EP300: variants seen among roughly 807,000 people sequenced by gnomAD.
The protein encoded by EP300 is histone acetyltransferase p300.
In EP300, 31 loss-of-function variants were observed where a neutral mutation model predicts 264.0. The ratio of observed to expected loss-of-function variants is 0.12; its 90% CI spans 0.09 to 0.16. EP300 has a LOEUF of 0.16. Among genes scored for constraint, EP300 ranks in the 10% least tolerant of loss-of-function variants. The probability of loss-of-function intolerance (pLI) is 1.00; values close to 1 mark genes in which losing one functional copy is unlikely to be tolerated. For synonymous variants in EP300, 1,340 were observed against 1,045.4 expected (o/e 1.28, Z -5.44); for missense variants, 2,766 against 3,052.9 (o/e 0.91, Z 2.21).
At chr22:41,176,119 C>CCATGGTGGGATAATT in intron 29 of EP300, 128 bp from the exon 30 acceptor site, 1 of 1,060,396 alleles carries the variant, frequency 9.4e-7, no homozygotes, top group Admixed American at 1.8e-5. Context: ...ATTCAGGAGG[C>CCATGGTGGGATAATT]CATGGTGGGA....
Position 41,129,927 on chromosome 22 carries a change from C to T in EP300, c.1206C>T (p.His402=), listed in dbSNP as rs751869865. Residue 402 remains histidine, a synonymous_variant, in exon 5 of 31, where the codon CAC becomes CAT. Transcript: ENST00000263253. Reference sequence around the variant, plus strand: ...CATCTTCTCGACAAATCATTTCACACTGGAAGAATTGTACAAGACATGATT... The same window carrying T: ...CATCTTCTCGACAAATCATTTCACATTGGAAGAATTGTACAAGACATGATT... ...HCASSRQIIS[H]WKNCTRHDCP... 2.9e-5 allele frequency: 47 copies of T among 1,613,888 alleles called. No homozygotes were observed. The East Asian group carries it at 1.0e-3, about 36-fold the overall frequency.
In EP300 at chr22:41,130,814, T is replaced by C. The variant is rs553915381; in HGVS notation, c.1283-574T>C. Reference sequence around the variant, plus strand: ...TATTGGGATATAGAAGAGCTTTTTTTTTTTAAGAGAAAAGACGAGATTAAC... The same window carrying C: ...TATTGGGATATAGAAGAGCTTTTTTCTTTTAAGAGAAAAGACGAGATTAAC... On this transcript the variant is annotated intron_variant, in intron 5 of 30. Coordinates refer to ENST00000263253, the MANE Select transcript of EP300 (RefSeq NM_001429.4). Among the ~76,000 whole-genome samples, 55 of 152,124 alleles carry C rather than the reference T, an allele frequency of 3.6e-4. 1 individual carries two copies. The highest frequency in any genetic ancestry group is 5.6e-4 in the Non-Finnish European group (38 of 68,030).
At chr22:41,138,303 A>G (rs1307762388) in intron 8 of EP300, among the ~76,000 whole-genome samples, 1 of 152,138 alleles carries the variant, frequency 6.6e-6, no homozygotes, top group Non-Finnish European at 1.5e-5. Context: ...AGCTGGGACT[A>G]CAGGCACGTG....
chr22:41,172,483 A>G lies in EP300; in HGVS notation c.4453-16A>G, dbSNP rs758560790. The G allele has an allele frequency of 2.1e-5, 33 of 1,597,888 alleles. No individual in the cohort carries two copies. In the South Asian group the frequency reaches 2.9e-4, roughly 14 times the overall value. On this transcript the variant is annotated splice_polypyrimidine_tract_variant and intron_variant, in intron 27 of 30. Transcript: ENST00000263253. ...AGAACATAGAAATTCCTATATGTAC[A>G]TGCATGTTTTCACAGGATATTTTTA...
chr22:41,092,795 C>T lies in EP300; in HGVS notation c.-210C>T, dbSNP rs1601582128. The T allele has an allele frequency of 1.6e-5, 10 of 642,224 alleles. No homozygotes were observed. Among genetic ancestry groups the T allele is most frequent in the South Asian group, 1.5e-4 (8 of 55,164 alleles). The allele number at this position is 642,224 out of a possible 1,614,324, so 39.8% of individuals were successfully genotyped here. A position where few individuals can be genotyped will look rare whatever the true frequency, so the allele number is the denominator to read the frequency against. The stretch of plus-strand genomic sequence containing the variant: ...TCCGGGCTTGGGCCCAGGCCCGGCC[C>T]CTCGCACTTGCCCTTACCTTTTCTA... On this transcript the variant is annotated 5_prime_UTR_variant, in exon 1 of 31. Coordinates refer to ENST00000263253, the MANE Select transcript of EP300 (RefSeq NM_001429.4).
At position 41,146,741 on chromosome 22, in the gene EP300, G is replaced by A. The variant is rs1466693116; in HGVS notation, c.2056G>A (p.Gly686Ser). The change falls in exon 11 of 31, where the codon GGC becomes AGC. Residue 686 changes from glycine to serine, a missense_variant and splice_region_variant. Physicochemically the swap from Gly to Ser is moderately conservative, Grantham distance 56. Transcript: ENST00000263253. Reference sequence around the variant, plus strand: ...CTTATTTCTCTTTTTTACTCTAGATGGCCCTCTACCTGACCCAAGTATGAT... The same window carrying A: ...CTTATTTCTCTTTTTTACTCTAGATAGCCCTCTACCTGACCCAAGTATGAT... ...GQPQPGMTSNGPLPDPSMIRG... is the reference protein window; with the variant it reads ...GQPQPGMTSNSPLPDPSMIRG... 6.2e-7 allele frequency: 1 copy of A among 1,614,000 alleles called. No individual in the cohort carries two copies. The highest frequency in any genetic ancestry group is 8.5e-7 in the Non-Finnish European group (1 of 1,179,886).
At chr22:41,161,673 A>G (rs1451272240) in intron 20 of EP300, among the ~76,000 whole-genome samples, 1 of 152,206 alleles carries the variant, frequency 6.6e-6, no homozygotes, top group Non-Finnish European at 1.5e-5. Context: ...AGTCATTAGA[A>G]TTCAAACTGG....
In EP300 at chr22:41,092,630, T is replaced by A. The variant is rs2058678582; in HGVS notation, c.-375T>A. On this transcript the variant is annotated 5_prime_UTR_variant, in exon 1 of 31. It removes an upstream start codon present in the reference 5' UTR. Coordinates refer to ENST00000263253, the MANE Select transcript of EP300 (RefSeq NM_001429.4). Reference sequence around the variant, plus strand: ...ACAGCGCCGAGGAGGAAGAGGTTGATGGCGGCGGCGGAGCTCCGAGAGACC... The same window carrying A: ...ACAGCGCCGAGGAGGAAGAGGTTGAAGGCGGCGGCGGAGCTCCGAGAGACC... The A allele has an allele frequency of 1.6e-6, 1 of 632,992 alleles. No homozygotes were observed. Among genetic ancestry groups the A allele is most frequent in the South Asian group, 2.1e-5 (1 of 48,730 alleles). The allele number at this position is 632,992 out of a possible 1,614,324, so 39.2% of individuals were successfully genotyped here.
chr22:41,137,700 C>T lies in EP300; in HGVS notation c.1670C>T (p.Pro557Leu), dbSNP rs1266602071. Residue 557 changes from proline to leucine, a missense_variant, in exon 8 of 31, where the codon CCA (proline) becomes CTA (leucine). Coordinates refer to ENST00000263253, the MANE Select transcript of EP300 (RefSeq NM_001429.4). ...NASVPSLGPM[P>L]TAAQPSTTGI... Reference sequence around the variant, plus strand: ...AGTGTGCCCTCCCTGGGTCCTATGCCAACAGCAGCTCAACCATCCACTACT... The same window carrying T: ...AGTGTGCCCTCCCTGGGTCCTATGCTAACAGCAGCTCAACCATCCACTACT... 3 of 1,614,172 alleles carry T rather than the reference C, an allele frequency of 1.9e-6. No homozygotes were observed. The highest frequency in any genetic ancestry group is 2.7e-5 in the African/African-American group (2 of 75,040).
intron 14 of EP300, among the ~76,000 whole-genome samples, chr22:41,151,175 G>A (rs762292623): frequency 3.9e-5 from 6 of 152,052 alleles, no homozygotes; most frequent in African/African-American, 7.2e-5. Context: ...AGTCACAGCC[G>A]TTTTATAAAG....
intron 2 of EP300, among the ~76,000 whole-genome samples, chr22:41,118,853 A>G (rs1255835219): frequency 1.3e-5 from 2 of 152,042 alleles, no homozygotes; most frequent in Non-Finnish European, 2.9e-5. Flanking sequence ...AATTGAAGAC[A>G]GATGGACAAA....
At position 41,179,489 on chromosome 22, in the gene EP300, T is replaced by G. The variant is rs2059227055; in HGVS notation, c.*533T>G. The G allele has an allele frequency of 5.8e-6, 1 of 172,524 alleles. No homozygotes were observed. Among genetic ancestry groups the G allele is most frequent in the Non-Finnish European group, 1.2e-5 (1 of 81,866 alleles). The allele number at this position is 172,524 out of a possible 1,614,324, so 10.7% of individuals were successfully genotyped here. A position where few individuals can be genotyped will look rare whatever the true frequency, so the allele number is the denominator to read the frequency against. The stretch of plus-strand genomic sequence containing the variant: ...ATAAATATATATTAAAATACCAGTT[T>G]TTTTTCTCTGGGTGCAAAGATGTTC... On this transcript the variant is annotated 3_prime_UTR_variant, in exon 31 of 31. Coordinates refer to ENST00000263253, the MANE Select transcript of EP300 (RefSeq NM_001429.4).
intron 4 of EP300, among the ~76,000 whole-genome samples, chr22:41,129,392 C>G (rs1030734185): frequency 6.6e-6 from 1 of 152,258 alleles, no homozygotes; most frequent in African/African-American, 2.4e-5. Flanking sequence ...ATGTGGTGAT[C>G]CTCATAGACT....
intron 1 of EP300, among the ~76,000 whole-genome samples, chr22:41,097,793 C>CTT (rs893729462): frequency 2.7e-5 from 4 of 148,306 alleles, no homozygotes; most frequent in Non-Finnish European, 4.5e-5. Context: ...TAAAATTTTT[C>CTT]TTTTTTTTTT....
rs533499767 is a variant in EP300 at position 41,179,840 on chromosome 22, C to T, written c.*884C>T. On this transcript the variant is annotated 3_prime_UTR_variant, in exon 31 of 31. Transcript: ENST00000263253. ...ACATGCAAAATGTCCCTGGGGGTTTCTTCTTTGCTTGCTTTCTTCCTCCTT... is the reference window on the plus strand; with the variant it reads ...ACATGCAAAATGTCCCTGGGGGTTTTTTCTTTGCTTGCTTTCTTCCTCCTT... 7.8e-5 allele frequency: 17 copies of T among 218,684 alleles called. No individual in the cohort carries two copies. In the South Asian group the frequency reaches 1.9e-3, roughly 25 times the overall value. The allele number at this position is 218,684 out of a possible 1,614,324, so 13.5% of individuals were successfully genotyped here. A position where few individuals can be genotyped will look rare whatever the true frequency, so the allele number is the denominator to read the frequency against.
chr22:41,146,523 A>G, intron 10 of EP300: 2 of 572,312 alleles, frequency 3.5e-6, no homozygotes, highest in South Asian at 4.0e-5. Flanking sequence ...CGGGCTCATA[A>G]AGGAATACCA....
In EP300 at chr22:41,176,387, G is replaced by C. The variant is rs765581834; in HGVS notation, c.4920G>C (p.Glu1640Asp). 1 of 1,614,238 alleles carries C rather than the reference G, an allele frequency of 6.2e-7. No homozygotes were observed. The change falls in exon 30 of 31, where the codon GAG becomes GAC. Residue 1640 changes from glutamate to aspartate, a missense_variant. Coordinates refer to ENST00000263253, the MANE Select transcript of EP300 (RefSeq NM_001429.4). The stretch of plus-strand genomic sequence containing the variant: ...CGCTGGCAAGGGACAAGCACCTGGA[G>C]TTCTCTTCACTCCGAAGAGCCCAGT... The part of the protein sequence containing the change: ...FLTLARDKHL[E>D]FSSLRRAQWS...
At chr22:41,140,318 C>T in intron 9 of EP300, 61 bp downstream of exon 9, 1 of 1,142,916 alleles carries the variant, frequency 8.7e-7, no homozygotes, top group Non-Finnish European at 1.3e-6. Context: ...TTATTTTATT[C>T]CTCTTTAGCA....
rs975034027 is a variant in EP300 at position 41,133,395 on chromosome 22, C to A, written c.1528+1762C>A. 3.3e-5 allele frequency among the ~76,000 whole-genome samples: 5 copies of A among 152,206 alleles called. No homozygotes were observed. In the East Asian group the frequency reaches 9.6e-4, roughly 29 times the overall value. ...TGAACTCCTGACCTCAGGTGATCTGCCTGCCTCAACCTCCCAAAGTGCTGT... is the reference window on the plus strand; with the variant it reads ...TGAACTCCTGACCTCAGGTGATCTGACTGCCTCAACCTCCCAAAGTGCTGT... On this transcript the variant is annotated intron_variant, in intron 6 of 30. Transcript: ENST00000263253.
Sources: allele counts gnomAD v4.1 joint callset (sites outside exome capture counted in the v4.1 genomes callset), GRCh38; gene constraint gnomAD v4.1.1; transcripts MANE v1.5; gene names NCBI Gene and HGNC (gene_info 2026-07-23, HGNC 2026-07-21).